ZNF197: variants seen among roughly 807,000 people sequenced by gnomAD.
ZNF197 encodes zinc finger protein 197.
ZNF197 carries 14 observed loss-of-function variants against 27.4 expected under a neutral mutation model. That is an observed-to-expected ratio of 0.51 (90% CI 0.34 to 0.80). The LOEUF is 0.80. ZNF197 is among the 30% of genes least tolerant of loss of function. The pLI is 0.02. For missense variants in ZNF197, 1,090 were observed against 1,222.6 expected (o/e 0.89, Z 1.62); for synonymous variants, 415 against 420.0 (o/e 0.99, Z 0.15).
Position 44,629,412 on chromosome 3 carries a change from G to T in ZNF197, c.258G>T (p.Val86=). 1 of 1,614,182 alleles carries T rather than the reference G, an allele frequency of 6.2e-7. No homozygotes were observed. The highest frequency in any genetic ancestry group is 1.1e-5 in the South Asian group (1 of 91,082). Residue 86 remains valine (V), a synonymous_variant, in exon 2 of 6, where the codon GTG becomes GTT. Transcript: ENST00000344387. The part of the protein sequence containing the change: ...RTKAQILELL[V]LEQFLSILPG... ...AGGCACAGATCCTGGAGCTGCTGGT[G>T]CTGGAGCAGTTTCTGAGCATCCTGC...
chr3:44,642,605 C>T lies in ZNF197; in HGVS notation c.1475C>T (p.Ser492Phe). 2 of 1,613,974 alleles carry T rather than the reference C, an allele frequency of 1.2e-6. No homozygotes were observed. The highest frequency in any genetic ancestry group is 2.2e-5 in the South Asian group (2 of 91,076). The change falls in exon 6 of 6, where the codon TCT becomes TTT. Residue 492 changes from serine to phenylalanine, a missense_variant. By Grantham distance (155) the Ser-to-Phe change is radical. Coordinates refer to ENST00000344387, the MANE Select transcript of ZNF197 (RefSeq NM_006991.5). The stretch of plus-strand genomic sequence containing the variant: ...TGTAATGAATGTGGGAAAGTCTTCT[C>T]TCAGAATGCTTACCTCATTGACCAT... ...YKCNECGKVF[S>F]QNAYLIDHQR...
At position 44,630,934 on chromosome 3, in the gene ZNF197, C is replaced by T. The variant is rs751328588; in HGVS notation, c.391-128C>T. The T allele has an allele frequency of 7.1e-6, 9 of 1,266,314 alleles. No homozygotes were observed. The African/African-American group carries it at 1.2e-4, about 16-fold the overall frequency. The allele number at this position is 1,266,314 out of a possible 1,614,324, so 78.4% of individuals were successfully genotyped here. ...GCAAAGCTTTACTGCTGTTTTGATG[C>T]TCCATACTTGAGGTGGGTCTCTCTG... On this transcript the variant is annotated intron_variant, in intron 2 of 5. Transcript: ENST00000344387.
Position 44,645,179 on chromosome 3 carries a change from CAG to C in ZNF197, c.*960_*961del. Reference sequence around the variant, plus strand: ...AAATGTTGACATGATACCTACCTCACAGGGTTGTTGTGAGGGTTAAGTGAAAG... The same window carrying C: ...AAATGTTGACATGATACCTACCTCACGGTTGTTGTGAGGGTTAAGTGAAAG... On this transcript the variant is annotated 3_prime_UTR_variant, in exon 6 of 6. Transcript: ENST00000344387. 1 of 973,588 alleles carries C rather than the reference CAG, an allele frequency of 1.0e-6. No homozygotes were observed. Among genetic ancestry groups the C allele is most frequent in the Non-Finnish European group, 1.2e-6 (1 of 819,236 alleles). The allele number at this position is 973,588 out of a possible 1,614,324, so 60.3% of individuals were successfully genotyped here.
chr3:44,641,938 A>T lies in ZNF197; in HGVS notation c.808A>T (p.Lys270Ter). 1 of 1,609,280 alleles carries T rather than the reference A, an allele frequency of 6.2e-7. No individual in the cohort carries two copies. The highest frequency in any genetic ancestry group is 2.2e-5 in the East Asian group (1 of 44,802). ...GACCGAGAATGAGGAGGTGACATCA[A>T]AGCCAAGTAGTTCTCAAAGAGCAGA... ...TMTENEEVTS[K>*]PSSSQRADSH... Residue 270 changes from lysine (K) to a stop codon, truncating the protein, a stop_gained, in exon 6 of 6, where the codon AAG becomes TAG. Transcript: ENST00000344387. LOFTEE classifies it low-confidence loss of function (END_TRUNC).
In ZNF197 at chr3:44,629,667, C is replaced by T. The variant is rs1193626437; in HGVS notation, c.390+123C>T. On this transcript the variant is annotated intron_variant, in intron 2 of 5. Transcript: ENST00000344387. ...AATAGCATTAATAGCACACTAGCAA[C>T]CTTAATGATAATTAAAGCAGGTCCA... 7 of 1,247,594 alleles carry T rather than the reference C, an allele frequency of 5.6e-6. No individual in the cohort carries two copies. The East Asian group carries it at 1.9e-4, about 33-fold the overall frequency. The allele number at this position is 1,247,594 out of a possible 1,614,324, so 77.3% of individuals were successfully genotyped here. A position where few individuals can be genotyped will look rare whatever the true frequency, so the allele number is the denominator to read the frequency against.
In ZNF197 at chr3:44,640,233, C is replaced by T. The variant is rs1004319141; in HGVS notation, c.770-1667C>T. ...TTAAATAGTTTAACCAGCTAATTAGCTACTGATACAAGAGTTGCTAATTTC... is the reference window on the plus strand; with the variant it reads ...TTAAATAGTTTAACCAGCTAATTAGTTACTGATACAAGAGTTGCTAATTTC... On this transcript the variant is annotated intron_variant, in intron 5 of 5. Transcript: ENST00000344387. The surrounding 1 kb of genome is among the most constrained non-coding windows in gnomAD (Gnocchi z 4.0). Among the ~76,000 whole-genome samples the T allele has an allele frequency of 6.6e-6, 1 of 152,238 alleles. No individual in the cohort carries two copies. Among genetic ancestry groups the T allele is most frequent in the Non-Finnish European group, 1.5e-5 (1 of 68,050 alleles).
chr3:44,632,135 C>T lies in ZNF197; in HGVS notation c.581C>T (p.Ser194Phe). 1 of 1,614,156 alleles carries T rather than the reference C, an allele frequency of 6.2e-7. No homozygotes were observed. Among genetic ancestry groups the T allele is most frequent in the Non-Finnish European group, 8.5e-7 (1 of 1,180,020 alleles). ...CCTGCCCCTGAAGCTTCTGCCCTTT[C>T]CCAGGAAGAGAACCCAAGAAATCAA... Reference protein sequence around the residue: ...DSPAPEASALSQEENPRNQLM... With the variant: ...DSPAPEASALFQEENPRNQLM... Residue 194 changes from serine to phenylalanine, a missense_variant, in exon 4 of 6, where the codon TCC becomes TTC. Ser to Phe is a radical substitution (Grantham distance 155). Coordinates refer to ENST00000344387, the MANE Select transcript of ZNF197 (RefSeq NM_006991.5).
intron 2 of ZNF197, among the ~76,000 whole-genome samples, 180 bp downstream of exon 2, chr3:44,629,724 A>T (rs1349274559): frequency 1.3e-5 from 2 of 152,254 alleles, no homozygotes; most frequent in Admixed American, 1.3e-4. Context: ...ATGTCTGTAG[A>T]GAAACGGATT....
rs983418411 is a variant in ZNF197 at position 44,640,348 on chromosome 3, C to T, written c.770-1552C>T. ...ATTATATAGAAGCAGCCCTCCTCTC[C>T]ATCAGCATTCTCTTTGTTTTTTGTT... is the stretch of plus-strand genomic sequence containing the variant. On this transcript the variant is annotated intron_variant, in intron 5 of 5. Coordinates refer to ENST00000344387, the MANE Select transcript of ZNF197 (RefSeq NM_006991.5). This position sits in a 1 kb window ranked among gnomAD's most constrained non-coding sequence, Gnocchi z 4.0. Among the ~76,000 whole-genome samples, 2 of 152,160 alleles carry T rather than the reference C, an allele frequency of 1.3e-5. No homozygotes were observed. The highest frequency in any genetic ancestry group is 2.4e-5 in the African/African-American group (1 of 41,438).
intron 1 of ZNF197, among the ~76,000 whole-genome samples, chr3:44,627,556 G>A (rs1349257806): frequency 6.6e-6 from 1 of 151,992 alleles, no homozygotes; most frequent in Non-Finnish European, 1.5e-5. Context: ...TTCATGGCTG[G>A]GTATGGTGGC....
intron 5 of ZNF197, among the ~76,000 whole-genome samples, chr3:44,634,574 C>T (rs940341287): frequency 2.6e-5 from 4 of 152,046 alleles, no homozygotes; most frequent in East Asian, 3.9e-4. Flanking sequence ...CTCAGCCTCC[C>T]AAGTAGCTGG....
rs149144134 is a variant in ZNF197, at chr3:44,627,803, C to T, written c.-81-1271C>T. Among the ~76,000 whole-genome samples the T allele has an allele frequency of 8.6e-3, 1,278 of 148,968 alleles. 21 individuals are homozygous for T. The highest frequency in any genetic ancestry group is 0.03 in the African/African-American group (1,223 of 40,274). On this transcript the variant is annotated intron_variant, in intron 1 of 5. Transcript: ENST00000344387. The stretch of plus-strand genomic sequence containing the variant: ...CCGAGATCATGCCACTGCACTCCAG[C>T]CTGGGTGACAGAGCGAGACTCCATC...
At chr3:44,631,652 T>C (rs983053612) in intron 3 of ZNF197, among the ~76,000 whole-genome samples, 11 of 151,662 alleles carry the variant, frequency 7.3e-5, no homozygotes, top group Non-Finnish European at 1.5e-4. Flanking sequence ...CTGCCCGCCT[T>C]GGCCTCCCAA....
chr3:44,631,490 T>C (rs1701994148), intron 3 of ZNF197, among the ~76,000 whole-genome samples: 2 of 151,054 alleles, frequency 1.3e-5, no homozygotes, highest in Admixed American at 6.6e-5. Flanking sequence ...AACCTCCGCC[T>C]CCTGGGTTTA....
intron 5 of ZNF197, among the ~76,000 whole-genome samples, chr3:44,634,928 C>A (rs1702202054): frequency 6.6e-6 from 1 of 150,934 alleles, no homozygotes; most frequent in Non-Finnish European, 1.5e-5. Context: ...CTCAAGCAAA[C>A]CTCCCACCCC....
At chr3:44,625,767 C>G (rs1701617183) in intron 1 of ZNF197, among the ~76,000 whole-genome samples, 1 of 152,036 alleles carries the variant, frequency 6.6e-6, no homozygotes, top group Non-Finnish European at 1.5e-5. Flanking sequence ...CACACACACA[C>G]ACACACACAC....
At chr3:44,626,206 C>T (rs1459368246) in intron 1 of ZNF197, among the ~76,000 whole-genome samples, 1 of 152,144 alleles carries the variant, frequency 6.6e-6, no homozygotes, top group African/African-American at 2.4e-5. Context: ...TTCTCAATTG[C>T]CTTATCCCTA....
chr3:44,629,330 C>T lies in ZNF197; in HGVS notation c.176C>T (p.Ala59Val), dbSNP rs1701847930. 6.2e-7 allele frequency: 1 copy of T among 1,614,150 alleles called. No homozygotes were observed. Among genetic ancestry groups the T allele is most frequent in the Non-Finnish European group, 8.5e-7 (1 of 1,180,020 alleles). The change falls in exon 2 of 6, where the codon GCC becomes GTC. Residue 59 changes from alanine to valine, a missense_variant. Transcript: ENST00000344387. ...CATGAGACATCTGGACCCCAGGAAGCCCTGAGCCGGCTCAGGGAACTCTGT... is the reference window on the plus strand; with the variant it reads ...CATGAGACATCTGGACCCCAGGAAGTCCTGAGCCGGCTCAGGGAACTCTGT... Reference protein sequence around the residue: ...RYHETSGPQEALSRLRELCRR... With the variant: ...RYHETSGPQEVLSRLRELCRR...
At chr3:44,631,991 A>G in intron 3 of ZNF197, 114 bp from the exon 4 acceptor site, 7 of 954,486 alleles carry the variant, frequency 7.3e-6, no homozygotes, top group Non-Finnish European at 1.0e-5. Flanking sequence ...GTGAGCCACC[A>G]CGCCCTGCCT....
Sources: allele counts gnomAD v4.1 joint callset (sites outside exome capture counted in the v4.1 genomes callset), GRCh38; gene constraint gnomAD v4.1.1; non-coding constraint Gnocchi (gnomAD v3.1); transcripts MANE v1.5; gene names NCBI Gene and HGNC (gene_info 2026-07-23, HGNC 2026-07-21).